Variants in DOCK3 observed in about 807,000 individuals in gnomAD.
DOCK3 encodes the protein dedicator of cytokinesis 3, also known as dedicator of cytokinesis protein 3.
In DOCK3, 60 loss-of-function variants were observed where a neutral mutation model predicts 265.6. The observed-to-expected ratio is 0.23, with a 90% CI of 0.18 to 0.28. The LOEUF (loss-of-function observed/expected upper bound fraction) is 0.28. DOCK3 is among the 10% of genes least tolerant of loss of function. The probability of loss-of-function intolerance (pLI) is 1.00; values close to 1 mark genes in which losing one functional copy is unlikely to be tolerated. For synonymous variants in DOCK3, 881 were observed against 938.0 expected, an observed-to-expected ratio of 0.94 and a Z score of 1.11; for missense variants, 1,981 against 2,594.3, an observed-to-expected ratio of 0.76 and a Z score of 5.14.
chr3:50,960,425 T>C (rs1333888202), intron 5 of DOCK3, among the ~76,000 whole-genome samples: 1 of 152,198 alleles, frequency 6.6e-6, no homozygotes, highest in Non-Finnish European at 1.5e-5. Context: ...TCGTAGTTTT[T>C]ATTTGCATTT....
intron 10 of DOCK3, among the ~76,000 whole-genome samples, chr3:51,149,493 T>A (rs1381735736): frequency 6.6e-6 from 1 of 152,240 alleles, no homozygotes; most frequent in East Asian, 1.9e-4. Flanking sequence ...AAATAGCTCC[T>A]ATTATTTTGA....
chr3:50,680,363 C>T (rs930890014), intron 1 of DOCK3, among the ~76,000 whole-genome samples: 4 of 151,166 alleles, frequency 2.6e-5, no homozygotes, highest in East Asian at 1.9e-4. Flanking sequence ...AGGTGTGCGC[C>T]GCCACACCTG....
intron 38 of DOCK3, among the ~76,000 whole-genome samples, 162 bp downstream of exon 38, chr3:51,341,547 T>C (rs564651796): frequency 6.6e-6 from 1 of 152,164 alleles, no homozygotes; most frequent in Non-Finnish European, 1.5e-5. Flanking sequence ...CATGATTTTC[T>C]CTGAGGGAGA....
chr3:50,808,263 A>G (rs1321969634), intron 2 of DOCK3, among the ~76,000 whole-genome samples: 4 of 152,262 alleles, frequency 2.6e-5, no homozygotes, highest in Non-Finnish European at 5.9e-5. Context: ...AAAGACTATC[A>G]TAAAGATGCC....
At chr3:50,890,226 G>T in intron 4 of DOCK3, 145 bp downstream of exon 4, 1 of 565,018 alleles carries the variant, frequency 1.8e-6, no homozygotes, top group South Asian at 3.8e-5. Context: ...TAATTTTGAG[G>T]GAATAATGTT....
chr3:50,796,974 G>T (rs1456723009), intron 2 of DOCK3, among the ~76,000 whole-genome samples: 2 of 151,972 alleles, frequency 1.3e-5, no homozygotes, highest in Non-Finnish European at 2.9e-5. Flanking sequence ...GTGCTGGTGG[G>T]GGTGGGGGCT....
intron 4 of DOCK3, among the ~76,000 whole-genome samples, chr3:50,919,126 G>A (rs1333818478): frequency 6.6e-6 from 1 of 152,084 alleles, no homozygotes; most frequent in African/African-American, 2.4e-5. Flanking sequence ...CTATATCTCT[G>A]TTTGGTACCA....
At chr3:51,042,083 G>A (rs2080555980) in intron 5 of DOCK3, among the ~76,000 whole-genome samples, 1 of 152,202 alleles carries the variant, frequency 6.6e-6, no homozygotes, top group African/African-American at 2.4e-5. Context: ...CTCATTCTGT[G>A]AGGCCAGCAT....
At chr3:50,773,957 C>T (rs954978016) in intron 1 of DOCK3, among the ~76,000 whole-genome samples, 2 of 152,102 alleles carry the variant, frequency 1.3e-5, no homozygotes, top group Non-Finnish European at 2.9e-5. Context: ...AGTTTTTGTT[C>T]AGAATTTATC....
intron 5 of DOCK3, among the ~76,000 whole-genome samples, chr3:51,047,671 C>A (rs1038486425): frequency 6.6e-6 from 1 of 151,964 alleles, no homozygotes; most frequent in Non-Finnish European, 1.5e-5. Flanking sequence ...TAGAAATATA[C>A]AACTTCACGA....
At chr3:51,207,803 T>C (rs1560211419) in intron 12 of DOCK3, among the ~76,000 whole-genome samples, 3 of 152,182 alleles carry the variant, frequency 2.0e-5, no homozygotes, top group Non-Finnish European at 4.4e-5. Flanking sequence ...TTCTCCTTTT[T>C]GCATGGGTCC....
chr3:51,163,764 A>G (rs2086248279), intron 12 of DOCK3, among the ~76,000 whole-genome samples: 1 of 152,168 alleles, frequency 6.6e-6, no homozygotes, highest in Non-Finnish European at 1.5e-5. Flanking sequence ...AGATAAATAC[A>G]TATTTTGAAT....
intron 1 of DOCK3, among the ~76,000 whole-genome samples, chr3:50,726,856 T>C (rs892394612): frequency 2.0e-5 from 3 of 152,108 alleles, no homozygotes; most frequent in African/African-American, 4.8e-5. Flanking sequence ...ACAAAAAAAA[T>C]TGTGAGACTT....
chr3:51,228,947 G>A (rs1159471058), intron 18 of DOCK3, 115 bp downstream of exon 18: 11 of 1,309,870 alleles, frequency 8.4e-6, no homozygotes, highest in South Asian at 1.6e-5. Context: ...CATAATAATG[G>A]GCTTCTTTTC....
intron 27 of DOCK3, among the ~76,000 whole-genome samples, chr3:51,304,468 A>C (rs183672840): frequency 4.1e-4 from 62 of 151,972 alleles, no homozygotes; most frequent in African/African-American, 1.4e-3. Context: ...CTCAGTTGTC[A>C]TAGACAGCAG....
intron 27 of DOCK3, among the ~76,000 whole-genome samples, chr3:51,295,376 G>A (rs2082024792): frequency 6.6e-6 from 1 of 152,134 alleles, no homozygotes; most frequent in African/African-American, 2.4e-5. Flanking sequence ...CTAATAGAGC[G>A]AGAGCTCACT....
At chr3:51,195,240 A>G (rs1223967227) in intron 12 of DOCK3, among the ~76,000 whole-genome samples, 1 of 152,090 alleles carries the variant, frequency 6.6e-6, no homozygotes, top group African/African-American at 2.4e-5. Flanking sequence ...CATTATTGAT[A>G]TGTGGTGCTT....
chr3:50,996,139 G>T (rs2078272651), intron 5 of DOCK3, among the ~76,000 whole-genome samples: 1 of 151,826 alleles, frequency 6.6e-6, no homozygotes. Flanking sequence ...CTGCCAAAGT[G>T]CTGTGATTAC....
chr3:51,202,316 T>TA (rs1391631516), intron 12 of DOCK3, among the ~76,000 whole-genome samples: 1 of 150,286 alleles, frequency 6.7e-6, no homozygotes, highest in Non-Finnish European at 1.5e-5. Flanking sequence ...ATAGATGCAA[T>TA]AAAAAATGAT....
Sources: allele counts gnomAD v4.1 joint callset (sites outside exome capture counted in the v4.1 genomes callset), GRCh38; gene constraint gnomAD v4.1.1; transcripts MANE v1.5; gene names NCBI Gene and HGNC (gene_info 2026-07-23, HGNC 2026-07-21).